NT5DC4: variants seen among roughly 807,000 people sequenced by gnomAD.
The protein encoded by NT5DC4 is 5'-nucleotidase domain containing 4, also known as 5'-nucleotidase domain-containing protein 4.
Under a neutral mutation model 26.6 loss-of-function variants are expected in NT5DC4, and 44 were observed. That is an observed-to-expected ratio of 1.65 (90% CI 1.30 to 2.13). NT5DC4 has a LOEUF of 2.13. Among genes scored for constraint, NT5DC4 ranks in the 30% most tolerant of loss-of-function variants. The pLI is 0.00. For missense variants in NT5DC4, 399 were observed against 228.1 expected (o/e 1.75, Z -4.83); for synonymous variants, 157 against 86.7 (o/e 1.81, Z -4.51).
Position 112,722,172 on chromosome 2 carries a change from C to A in NT5DC4, c.267-11C>A. 2.8e-6 allele frequency: 2 copies of A among 717,046 alleles called. No individual in the cohort carries two copies. Among genetic ancestry groups the A allele is most frequent in the Non-Finnish European group, 5.2e-6 (2 of 385,086 alleles). 44.4% of individuals were successfully genotyped at this position (717,046 alleles called of 1,614,324 possible). A position where few individuals can be genotyped will look rare whatever the true frequency, so the allele number is the denominator to read the frequency against. On this transcript the variant is annotated splice_polypyrimidine_tract_variant and intron_variant, in intron 3 of 16. Coordinates refer to ENST00000688554, the MANE Select transcript of NT5DC4 (RefSeq NM_001393655.1). Reference sequence around the variant, plus strand: ...CCCCACCCACAGTGCCCCCCGACCCCCCGTCTGCAGGCGGCTGGTGTTCGA... The same window carrying A: ...CCCCACCCACAGTGCCCCCCGACCCACCGTCTGCAGGCGGCTGGTGTTCGA...
intron 11 of NT5DC4, 68 bp from the exon 12 acceptor site, chr2:112,725,106 C>A (rs544045176): frequency 5.9e-6 from 4 of 676,376 alleles, no homozygotes; most frequent in East Asian, 5.5e-5. Context: ...CAGCTCCCTG[C>A]GACCCTCCCT....
chr2:112,730,310 CAAAA>C (rs11375761), intron 16 of NT5DC4, among the ~76,000 whole-genome samples: 1 of 76,188 alleles, frequency 1.3e-5, no homozygotes, highest in African/African-American at 5.4e-5. Context: ...AAGACTGTCT[CAAAA>C]AAAAAAAAAA....
Position 112,723,090 on chromosome 2 carries a change from C to T in NT5DC4, c.537C>T (p.Thr179=), listed in dbSNP as rs1468106733. Residue 179 remains threonine (T), a synonymous_variant, in exon 7 of 17, where the codon ACC becomes ACT. Transcript: ENST00000688554. ...SGCSRYTNCD[T]GYQHGNLFMS... ...TCTTTGCCTGCCCCAGTTGTGACAC[C>T]GGCTATCAGCATGGGAACCTCTTCA... 1.4e-5 allele frequency: 10 copies of T among 715,382 alleles called. No homozygotes were observed. Among genetic ancestry groups the T allele is most frequent in the Admixed American group, 6.0e-5 (3 of 49,764 alleles). The allele number at this position is 715,382 out of a possible 1,614,324, so 44.3% of individuals were successfully genotyped here. A position where few individuals can be genotyped will look rare whatever the true frequency, so the allele number is the denominator to read the frequency against.
chr2:112,727,604 G>A (rs940358041), intron 15 of NT5DC4, among the ~76,000 whole-genome samples: 1 of 152,170 alleles, frequency 6.6e-6, no homozygotes, highest in African/African-American at 2.4e-5. Context: ...GCAAAGTGAG[G>A]AGCTGCCCCA....
chr2:112,723,680 G>A, intron 8 of NT5DC4, 39 bp from the exon 9 acceptor site: 2 of 712,858 alleles, frequency 2.8e-6, no homozygotes, highest in Non-Finnish European at 5.2e-6. Flanking sequence ...GGCAGCTCTG[G>A]GAGTCCCACC....
rs765776128 is a variant in NT5DC4, at chr2:112,738,804, T to TA, written c.1345-102dup. On this transcript the variant is annotated intron_variant, in intron 16 of 16. Transcript: ENST00000688554. ...TATGTTGGTTCTGAAACACCTTTTT[T>TA]AAAAAAAGCATCAAGAAATTATGAT... 9.8e-6 allele frequency: 15 copies of TA among 1,529,336 alleles called. No homozygotes were observed. In the East Asian group the frequency reaches 1.3e-4, roughly 14 times the overall value. The allele number at this position is 1,529,336 out of a possible 1,614,324, so 94.7% of individuals were successfully genotyped here. A position where few individuals can be genotyped will look rare whatever the true frequency, so the allele number is the denominator to read the frequency against.
At chr2:112,732,204 C>A (rs950705744) in intron 16 of NT5DC4, among the ~76,000 whole-genome samples, 2 of 116,522 alleles carry the variant, frequency 1.7e-5, no homozygotes, top group Admixed American at 1.6e-4. Flanking sequence ...AGCCACCGAG[C>A]CTGGCATTTT....
intron 12 of NT5DC4, 52 bp from the exon 13 acceptor site, chr2:112,725,330 A>G (rs1334125903): frequency 1.5e-6 from 1 of 687,590 alleles, no homozygotes; most frequent in African/African-American, 1.8e-5. Context: ...CGAGTCACCT[A>G]CCCCAAGGCA....
At chr2:112,719,127 A>G (rs1676613224), upstream of NT5DC4, among the ~76,000 whole-genome samples, 1 of 152,190 alleles carries the variant, frequency 6.6e-6, no homozygotes, top group South Asian at 2.1e-4. Context: ...ACAGCCTACT[A>G]CACACCTCGG....
chr2:112,723,000 T>C (rs1210045592), intron 6 of NT5DC4, 81 bp from the exon 7 acceptor site: 2 of 467,858 alleles, frequency 4.3e-6, no homozygotes, highest in Admixed American at 3.1e-5. Context: ...GCTGGTGGGG[T>C]TGCTCTGGTG....
chr2:112,719,674 T>C (rs911863413), upstream of NT5DC4, among the ~76,000 whole-genome samples: 16 of 151,832 alleles, frequency 1.1e-4, no homozygotes, highest in South Asian at 1.7e-3. Flanking sequence ...TTAGTAGAGA[T>C]GGGGTTTCAC....
downstream of NT5DC4, among the ~76,000 whole-genome samples, chr2:112,739,650 T>C (rs1679731284): frequency 6.6e-6 from 1 of 152,172 alleles, no homozygotes; most frequent in Non-Finnish European, 1.5e-5. Context: ...AATTCCAAGA[T>C]TCTTTCTAGC....
At chr2:112,723,358 C>T in intron 7 of NT5DC4, 60 bp from the exon 8 acceptor site, 2 of 679,770 alleles carry the variant, frequency 2.9e-6, no homozygotes, top group Non-Finnish European at 2.7e-6. Context: ...GGTGGGTACA[C>T]ATGCACACAC....
downstream of NT5DC4, chr2:112,740,782 T>G (rs1679884534): frequency 6.5e-7 from 1 of 1,533,680 alleles, no homozygotes; most frequent in Non-Finnish European, 9.0e-7. Context: ...TAGAATTAAG[T>G]CTGTGAACAC....
At chr2:112,724,580 CCTCCACAAGG>C (rs1407146126) in intron 10 of NT5DC4, 191 bp from the exon 11 acceptor site, 8 of 596,214 alleles carry the variant, frequency 1.3e-5, no homozygotes, top group Non-Finnish European at 2.1e-5. Context: ...TCAACACCCA[CCTCCACAAGG>C]TCCTTTTGAG....
rs112525362 is a variant in NT5DC4, at chr2:112,722,656, C to G, written c.470-58C>G. On this transcript the variant is annotated intron_variant, in intron 5 of 16. Transcript: ENST00000688554. ...CGGAGCTGAGGGTCCCAGCTCTGTCCTGGTGGAGAACTGTCTGGCTCCCTG... is the reference window on the plus strand; with the variant it reads ...CGGAGCTGAGGGTCCCAGCTCTGTCGTGGTGGAGAACTGTCTGGCTCCCTG... 3,579 of 717,442 alleles carry G rather than the reference C, an allele frequency of 5.0e-3. 99 individuals are homozygous for G. In the African/African-American group the frequency reaches 0.054, roughly 11 times the overall value. 44.4% of individuals were successfully genotyped at this position (717,442 alleles called of 1,614,324 possible).
chr2:112,726,928 G>A (rs554131902), intron 15 of NT5DC4, 190 bp downstream of exon 15: 3 of 626,130 alleles, frequency 4.8e-6, no homozygotes, highest in Admixed American at 5.0e-5. Context: ...AAAGGGCAGC[G>A]GTACCCTCTT....
intron 16 of NT5DC4, among the ~76,000 whole-genome samples, chr2:112,735,336 G>A (rs1678999969): frequency 6.6e-6 from 1 of 152,108 alleles, no homozygotes; most frequent in African/African-American, 2.4e-5. Context: ...GAGCCACCAT[G>A]CCCAGCCTCA....
rs1343675504 is a variant in NT5DC4 at position 112,721,985 on chromosome 2, G to A, written c.149-1G>A. On this transcript the variant is annotated splice_acceptor_variant, in intron 2 of 16. Transcript: ENST00000688554. LOFTEE classifies it high-confidence loss of function. ...CCCTGATTCTGTCCGGGCCTCTGCA[G>A]CCTACAAGTCCCCAGCTTATGAGGC... 4.2e-6 allele frequency: 3 copies of A among 717,308 alleles called. No individual in the cohort carries two copies. The highest frequency in any genetic ancestry group is 3.0e-5 in the South Asian group (2 of 67,606). The allele number at this position is 717,308 out of a possible 1,614,324, so 44.4% of individuals were successfully genotyped here.
Sources: gnomAD v4.1 joint callset for allele counts (sites outside exome capture counted in the v4.1 genomes callset) on GRCh38, gnomAD v4.1.1 for gene constraint, MANE v1.5 for transcripts, NCBI Gene and HGNC (gene_info 2026-07-23, HGNC 2026-07-21) for gene names.